The following ADCY3 variants were observed in gnomAD, a reference collection of about 807,000 sequenced individuals.
ADCY3 encodes the protein adenylate cyclase type 3.
In ADCY3, 70 loss-of-function variants were observed where a neutral mutation model predicts 119.4. That is an observed-to-expected ratio of 0.59 (90% CI 0.48 to 0.72). The LOEUF is 0.72. Ranked by LOEUF, ADCY3 falls within the 30% of genes least tolerant of loss-of-function variation. ADCY3 has a pLI of 0.00. For synonymous variants in ADCY3, 672 were observed against 621.4 expected (o/e 1.08, Z -1.21); for missense variants, 1,238 against 1,541.6 (o/e 0.80, Z 3.30).
chr2:24,825,679 C>T, intron 16 of ADCY3: 1 of 219,368 alleles, frequency 4.6e-6, no homozygotes, highest in South Asian at 7.4e-5. Flanking sequence ...TCTTCTGGCT[C>T]TGTGGTCAGT....
intron 3 of ADCY3, among the ~76,000 whole-genome samples, chr2:24,843,821 C>T (rs1030451099): frequency 6.6e-6 from 1 of 152,190 alleles, no homozygotes; most frequent in African/African-American, 2.4e-5. Flanking sequence ...ATAAGCAGTA[C>T]GGAGAGAGAA....
chr2:24,902,082 T>G (rs1331966061), intron 2 of ADCY3, among the ~76,000 whole-genome samples: 1 of 51,238 alleles, frequency 2.0e-5, no homozygotes, highest in Non-Finnish European at 4.6e-5. Context: ...GTGTATTTGG[T>G]TTTTTTTTTT....
chr2:24,821,720 C>T, intron 19 of ADCY3, 80 bp from the exon 20 acceptor site: 4 of 1,562,922 alleles, frequency 2.6e-6, no homozygotes, highest in Non-Finnish European at 3.5e-6. Flanking sequence ...TGGCAGTGTT[C>T]TGGGGGTGGA....
rs3222240 is a variant in ADCY3, at chr2:24,865,489, CTGTGTGTGTGTGTG to C, written c.825+7067_825+7080del. ...TACAAAAGAGTGAATAGGCTATCAT[CTGTGTGTGTGTGTG>C]TGTGTGTGTGTGTGTGTGTGTGTGT... On this transcript the variant is annotated intron_variant, in intron 3 of 21. Transcript: ENST00000679454. Among the ~76,000 whole-genome samples the C allele has an allele frequency of 1.7e-3, 238 of 140,526 alleles. 1 individual carries two copies. The highest frequency in any genetic ancestry group is 0.01 in the Middle Eastern group (3 of 288). 92.2% of individuals were successfully genotyped at this position (140,526 alleles called of 152,430 possible).
chr2:24,882,215 G>A (rs1259801637), intron 2 of ADCY3, among the ~76,000 whole-genome samples: 1 of 152,142 alleles, frequency 6.6e-6, no homozygotes, highest in African/African-American at 2.4e-5. Flanking sequence ...TTTCAGGGGT[G>A]TAGATGGTCA....
chr2:24,841,291 G>T lies in ADCY3; in HGVS notation c.1164C>A (p.Ile388=). 1 of 1,571,324 alleles carries T rather than the reference G, an allele frequency of 6.4e-7. No individual in the cohort carries two copies. The highest frequency in any genetic ancestry group is 8.6e-7 in the Non-Finnish European group (1 of 1,158,568). Residue 388 remains isoleucine, a synonymous_variant, in exon 6 of 22, where the codon ATC becomes ATA. Transcript: ENST00000679454. The surrounding 1 kb of genome is among the most constrained non-coding windows in gnomAD (Gnocchi z 5.8). ...CCTCCACCATGGCCAGCCCCATGAG[G>T]ATGGAGCAGACGGCGTGGTCCTCCC... is the stretch of plus-strand genomic sequence containing the variant. ...DYREDHAVCS[I]LMGLAMVEAI... is the part of the protein sequence containing the mutation.
intron 2 of ADCY3, among the ~76,000 whole-genome samples, chr2:24,912,350 G>A (rs1209874693): frequency 6.6e-6 from 1 of 151,830 alleles, no homozygotes; most frequent in Non-Finnish European, 1.5e-5. Flanking sequence ...AAAACAAAAA[G>A]AATGTGTAAT....
intron 2 of ADCY3, among the ~76,000 whole-genome samples, chr2:24,884,931 T>C (rs893205431): frequency 1.3e-5 from 2 of 152,220 alleles, no homozygotes; most frequent in Middle Eastern, 3.2e-3. Flanking sequence ...GCTTCATGTC[T>C]CCTGCGTTTA....
chr2:24,852,877 G>A lies in ADCY3; in HGVS notation c.826-10493C>T, dbSNP rs190421588. 3.2e-4 allele frequency among the ~76,000 whole-genome samples: 49 copies of A among 152,364 alleles called. No individual in the cohort carries two copies. The East Asian group carries it at 8.9e-3, about 28-fold the overall frequency. ...CCCTACCCAGAGTGTGGCTGGTGGG[G>A]CTGTGGACTCAGCATCACCCGTGCT... is the stretch of plus-strand genomic sequence containing the variant. On this transcript the variant is annotated intron_variant, in intron 3 of 21. Coordinates refer to ENST00000679454, the MANE Select transcript of ADCY3 (RefSeq NM_004036.5).
intron 2 of ADCY3, among the ~76,000 whole-genome samples, chr2:24,873,653 C>T (rs1166826447): frequency 6.6e-6 from 1 of 152,222 alleles, no homozygotes; most frequent in Non-Finnish European, 1.5e-5. Flanking sequence ...TTGGCCATGC[C>T]TGGGCCCCAA....
At chr2:24,879,422 C>T (rs923643418) in intron 2 of ADCY3, among the ~76,000 whole-genome samples, 23 of 134,366 alleles carry the variant, frequency 1.7e-4, no homozygotes, top group African/African-American at 6.4e-4. Flanking sequence ...CACTGCACTG[C>T]AGCCTGGGCG....
At chr2:24,848,320 T>C (rs1671894216) in intron 3 of ADCY3, among the ~76,000 whole-genome samples, 1 of 152,254 alleles carries the variant, frequency 6.6e-6, no homozygotes, top group African/African-American at 2.4e-5. Context: ...TAGCCCAACC[T>C]ATTCCTTTAA....
chr2:24,827,880 C>A (rs759846027), intron 14 of ADCY3, 22 bp downstream of exon 14: 1 of 1,613,182 alleles, frequency 6.2e-7, no homozygotes. Flanking sequence ...CAATACAGAT[C>A]CCCAGTCACG....
rs972429037 is a variant in ADCY3 at position 24,872,492 on chromosome 2, G to A, written c.825+78C>T. ...AAGCCCCACGGAGCCAGGGGCTGCC[G>A]CTCTGGTTCCTCTCCCTCTGACAAG... On this transcript the variant is annotated intron_variant, in intron 3 of 21. Coordinates refer to ENST00000679454, the MANE Select transcript of ADCY3 (RefSeq NM_004036.5). The surrounding 1 kb of genome is among the most constrained non-coding windows in gnomAD (Gnocchi z 4.4). The A allele has an allele frequency of 2.6e-6, 4 of 1,532,172 alleles. No homozygotes were observed. The highest frequency in any genetic ancestry group is 2.0e-4 in the Middle Eastern group (1 of 4,974). The allele number at this position is 1,532,172 out of a possible 1,614,324, so 94.9% of individuals were successfully genotyped here.
chr2:24,888,531 A>G (rs1463039860), intron 2 of ADCY3, among the ~76,000 whole-genome samples: 1 of 152,234 alleles, frequency 6.6e-6, no homozygotes, highest in Non-Finnish European at 1.5e-5. Context: ...TCCAGCCCCT[A>G]CAACAGGAGG....
intron 3 of ADCY3, among the ~76,000 whole-genome samples, chr2:24,845,777 C>G (rs1013340239): frequency 6.6e-5 from 10 of 152,212 alleles, no homozygotes; most frequent in African/African-American, 2.4e-4. Flanking sequence ...TTTGCGGCAG[C>G]CCCTCCCACC....
chr2:24,852,570 G>A (rs935792159), intron 3 of ADCY3, among the ~76,000 whole-genome samples: 2 of 152,236 alleles, frequency 1.3e-5, no homozygotes, highest in East Asian at 3.8e-4. Flanking sequence ...CCTCAGAGCA[G>A]GCATGAGTGG....
chr2:24,861,408 T>G (rs1014872716), intron 3 of ADCY3, among the ~76,000 whole-genome samples: 1 of 152,144 alleles, frequency 6.6e-6, no homozygotes, highest in East Asian at 1.9e-4. Flanking sequence ...ATGGAGAATT[T>G]TCTTAAAAAA....
chr2:24,838,319 C>T, intron 8 of ADCY3, 126 bp downstream of exon 8: 2 of 986,660 alleles, frequency 2.0e-6, no homozygotes, highest in Non-Finnish European at 3.0e-6. Flanking sequence ...TGCCACTCAC[C>T]TCTCACAGCC....
Sources: allele counts gnomAD v4.1 joint callset (sites outside exome capture counted in the v4.1 genomes callset), GRCh38; gene constraint gnomAD v4.1.1; non-coding constraint Gnocchi (gnomAD v3.1); transcripts MANE v1.5; gene names NCBI Gene and HGNC (gene_info 2026-07-23, HGNC 2026-07-21).